The following YKT6 variants were observed in gnomAD, a reference collection of about 807,000 sequenced individuals.
YKT6 encodes the protein YKT6 vesicular SNARE protein, also known as synaptobrevin homolog YKT6.
A neutral mutation model predicts 29.3 loss-of-function variants in YKT6; 12 were observed. That is an observed-to-expected ratio of 0.41 (90% CI 0.26 to 0.66). The LOEUF is 0.66. YKT6 is among the 30% of genes least tolerant of loss of function. YKT6 has a pLI of 0.32. For missense variants in YKT6, 188 were observed against 243.8 expected (o/e 0.77, Z 1.52); for synonymous variants, 86 against 94.3 (o/e 0.91, Z 0.51).
chr7:44,210,785 T>C (rs756266380), intron 5 of YKT6: 2 of 583,340 alleles, frequency 3.4e-6, no homozygotes, highest in Non-Finnish European at 6.5e-6. Context: ...GGACAGCTTT[T>C]TGGGAAGTCT....
intron 6 of YKT6, 142 bp from the exon 7 acceptor site, chr7:44,212,105 G>T: frequency 1.1e-6 from 1 of 940,518 alleles, no homozygotes; most frequent in South Asian, 1.6e-5. Flanking sequence ...CTTCCCTCAA[G>T]GCCTCCACCC....
At chr7:44,201,268 C>T (rs781460168) in intron 1 of YKT6, 29 bp downstream of exon 1, 1 of 1,394,134 alleles carries the variant, frequency 7.2e-7, no homozygotes, top group Non-Finnish European at 9.6e-7. Context: ...TGGGCCGTGG[C>T]GGTCGGGCGG....
chr7:44,212,378 A>G lies in YKT6; in HGVS notation c.*96A>G. ...AAGAGACAGCCATAGACGAGGAGCC[A>G]GAGTGGGGGCAGACTGGCCATTTTT... On this transcript the variant is annotated 3_prime_UTR_variant, in exon 7 of 7. Transcript: ENST00000223369. 6.6e-7 allele frequency: 1 copy of G among 1,513,974 alleles called. No homozygotes were observed. The highest frequency in any genetic ancestry group is 1.7e-5 in the Admixed American group (1 of 57,566). The allele number at this position is 1,513,974 out of a possible 1,614,324, so 93.8% of individuals were successfully genotyped here. A position where few individuals can be genotyped will look rare whatever the true frequency, so the allele number is the denominator to read the frequency against.
intron 1 of YKT6, among the ~76,000 whole-genome samples, chr7:44,204,322 A>C (rs559752157): frequency 8.0e-4 from 119 of 149,246 alleles, no homozygotes; most frequent in African/African-American, 2.7e-3. Context: ...CTGTGGAAAA[A>C]CCCCCCAGAA....
intron 1 of YKT6, among the ~76,000 whole-genome samples, chr7:44,204,074 G>T (rs2096338504): frequency 6.6e-6 from 1 of 152,196 alleles, no homozygotes; most frequent in Non-Finnish European, 1.5e-5. Flanking sequence ...AGCCCCAGCA[G>T]ACCTGAGCCA....
chr7:44,206,207 C>T (rs780584947), intron 2 of YKT6, among the ~76,000 whole-genome samples, 178 bp from the exon 3 acceptor site: 2 of 152,222 alleles, frequency 1.3e-5, no homozygotes, highest in Admixed American at 6.5e-5. Context: ...TTGGGCCAAG[C>T]TCCTGTGTGT....
intron 1 of YKT6, among the ~76,000 whole-genome samples, chr7:44,201,667 G>C (rs1487437491): frequency 2.0e-5 from 3 of 152,170 alleles, no homozygotes; most frequent in South Asian, 2.1e-4. Flanking sequence ...TTGAGGCCTC[G>C]GTATTTATAT....
chr7:44,205,798 T>C (rs993533426), intron 2 of YKT6, among the ~76,000 whole-genome samples: 1 of 152,338 alleles, frequency 6.6e-6, no homozygotes, highest in South Asian at 2.1e-4. Flanking sequence ...AGCACAGTGC[T>C]CTGGAGGCCT....
intron 1 of YKT6, among the ~76,000 whole-genome samples, chr7:44,201,722 T>G (rs1279505551): frequency 6.6e-6 from 1 of 152,180 alleles, no homozygotes; most frequent in Non-Finnish European, 1.5e-5. Context: ...TCTGGGAGCT[T>G]GGGTGCCGCA....
chr7:44,205,005 T>C (rs2096339406), intron 2 of YKT6, among the ~76,000 whole-genome samples: 2 of 152,254 alleles, frequency 1.3e-5, no homozygotes, highest in Non-Finnish European at 1.5e-5. Context: ...CTGTGCATCG[T>C]AGATTTTTTG....
chr7:44,204,401 A>G (rs2096338782), intron 1 of YKT6, among the ~76,000 whole-genome samples, 167 bp from the exon 2 acceptor site: 1 of 152,228 alleles, frequency 6.6e-6, no homozygotes, highest in Admixed American at 6.5e-5. Context: ...ATTCATAATT[A>G]TCAGTATTTG....
intron 1 of YKT6, 95 bp from the exon 2 acceptor site, chr7:44,204,473 A>C (rs1327343671): frequency 4.3e-6 from 5 of 1,156,550 alleles, no homozygotes; most frequent in African/African-American, 1.5e-5. Context: ...CCAAGAAGCA[A>C]TGTCTACTTA....
chr7:44,202,357 T>C (rs2096336687), intron 1 of YKT6, among the ~76,000 whole-genome samples: 1 of 152,252 alleles, frequency 6.6e-6, no homozygotes, highest in East Asian at 1.9e-4. Flanking sequence ...ATGAAATAGA[T>C]TGATAGTGTT....
intron 2 of YKT6, among the ~76,000 whole-genome samples, chr7:44,205,344 G>A (rs146913350): frequency 4.6e-5 from 7 of 152,268 alleles, no homozygotes; most frequent in African/African-American, 4.8e-5. Flanking sequence ...CCCTTCCCAC[G>A]TTTATTACTT....
rs1032947796 is a variant in YKT6 at position 44,212,624 on chromosome 7, G to A, written c.*342G>A. The stretch of plus-strand genomic sequence containing the variant: ...GGGAGGTCGGAGCCAGCTGTTTCTC[G>A]ATCTTTGGTATATCTTTGGATCTTA... On this transcript the variant is annotated 3_prime_UTR_variant, in exon 7 of 7. Coordinates refer to ENST00000223369, the MANE Select transcript of YKT6 (RefSeq NM_006555.4). 5.0e-4 allele frequency: 144 copies of A among 287,570 alleles called. 1 individual carries two copies. Among genetic ancestry groups the A allele is most frequent in the African/African-American group, 2.8e-3 (128 of 46,074 alleles). 17.8% of individuals were successfully genotyped at this position (287,570 alleles called of 1,614,324 possible). A position where few individuals can be genotyped will look rare whatever the true frequency, so the allele number is the denominator to read the frequency against.
At position 44,201,154 on chromosome 7, in the gene YKT6, A is replaced by C; in HGVS notation, c.19A>C (p.Ser7Arg). 6.2e-7 allele frequency: 1 copy of C among 1,609,224 alleles called. No homozygotes were observed. The change falls in exon 1 of 7, where the codon AGC (serine) becomes CGC (arginine). Residue 7 changes from serine to arginine, a missense_variant. Ser to Arg is a moderately radical substitution (Grantham distance 110). Transcript: ENST00000223369. ...CGGAGCCATGAAGCTGTACAGCCTC[A>C]GCGTCCTCTACAAAGGCGAGGCCAA... Reference protein sequence around the residue: MKLYSLSVLYKGEAKVV... With the variant: MKLYSLRVLYKGEAKVV...
At chr7:44,210,287 G>A (rs1165157827) in intron 5 of YKT6, among the ~76,000 whole-genome samples, 1 of 152,184 alleles carries the variant, frequency 6.6e-6, no homozygotes, top group African/African-American at 2.4e-5. Flanking sequence ...GGGCCTGGCT[G>A]GTGTCTTTTG....
At chr7:44,204,421 A>G (rs2096338809) in intron 1 of YKT6, 147 bp from the exon 2 acceptor site, 1 of 648,064 alleles carries the variant, frequency 1.5e-6, no homozygotes, top group Non-Finnish European at 2.7e-6. Context: ...GTGCTCATTT[A>G]TAGAGTGTTT....
chr7:44,204,471 C>G (rs930196958), intron 1 of YKT6, 97 bp from the exon 2 acceptor site: 3 of 1,121,944 alleles, frequency 2.7e-6, no homozygotes, highest in African/African-American at 3.1e-5. Context: ...AACCAAGAAG[C>G]AATGTCTACT....
Sources: gnomAD v4.1 joint callset for allele counts (sites outside exome capture counted in the v4.1 genomes callset) on GRCh38, gnomAD v4.1.1 for gene constraint, MANE v1.5 for transcripts, NCBI Gene and HGNC (gene_info 2026-07-23, HGNC 2026-07-21) for gene names.